The following RPA3 variants were observed in gnomAD, a reference collection of about 807,000 sequenced individuals.
RPA3 encodes the protein replication protein A3, also known as replication protein A 14 kDa subunit.
RPA3 carries 24 observed loss-of-function variants against 13.7 expected under a neutral mutation model. The ratio of observed to expected loss-of-function variants is 1.75; its 90% confidence interval spans 1.27 to 2.46. RPA3 has a LOEUF of 2.46. Ranked by LOEUF, RPA3 falls within the 30% of genes most tolerant of loss-of-function variation. The pLI, the probability that RPA3 is intolerant of heterozygous loss-of-function variation, is 0.00. For synonymous variants in RPA3, 59 were observed against 51.2 expected (o/e 1.15, Z -0.65); for missense variants, 183 against 151.0 (o/e 1.21, Z -1.11).
chr7:7,710,416 A>G (rs1780725981), intron 2 of RPA3, among the ~76,000 whole-genome samples: 1 of 152,244 alleles, frequency 6.6e-6, no homozygotes, highest in Non-Finnish European at 1.5e-5. Context: ...AAAGACATGA[A>G]GAGACATTTC....
chr7:7,646,585 T>G (rs953107234), intron 4 of RPA3, among the ~76,000 whole-genome samples: 27 of 150,578 alleles, frequency 1.8e-4, no homozygotes, highest in African/African-American at 6.4e-4. Context: ...CACGTGGAAC[T>G]GTGAGTCCAT....
chr7:7,662,145 C>G (rs13233179), intron 4 of RPA3, among the ~76,000 whole-genome samples: 37,627 of 152,034 alleles, frequency 0.25, 4,802 homozygotes, highest in African/African-American at 0.29. Context: ...TCAGTAATGG[C>G]AGATGCCCTT....
chr7:7,651,387 G>A (rs1257992369), intron 4 of RPA3, among the ~76,000 whole-genome samples: 1 of 152,150 alleles, frequency 6.6e-6, no homozygotes, highest in African/African-American at 2.4e-5. Context: ...AGGCCAAAAG[G>A]CAACATTTGG....
intron 4 of RPA3, among the ~76,000 whole-genome samples, chr7:7,661,917 T>C (rs930364857): frequency 6.6e-5 from 10 of 152,074 alleles, no homozygotes; most frequent in African/African-American, 2.4e-4. Context: ...AGCTGCCCCT[T>C]CCCCCGAGGT....
In RPA3 at chr7:7,687,226, AC is replaced by A. The variant is rs1334868556; in HGVS notation, c.-927+1del. Reference sequence around the variant, plus strand: ...CTGTGTGATTTTGAGCAGGCTACTTACCATTTCAGCCTCATTTTCCTTTTGT... The same window carrying A: ...CTGTGTGATTTTGAGCAGGCTACTTACATTTCAGCCTCATTTTCCTTTTGT... On this transcript the variant is annotated splice_donor_variant, in intron 3 of 7. Transcript: ENST00000223129. LOFTEE classifies it low-confidence loss of function (5UTR_SPLICE). 2.0e-5 allele frequency: 3 copies of A among 152,192 alleles called. No homozygotes were observed. Among genetic ancestry groups the A allele is most frequent in the Non-Finnish European group, 4.4e-5 (3 of 68,030 alleles). The allele number at this position is 152,192 out of a possible 1,614,324, so 9.4% of individuals were successfully genotyped here.
At chr7:7,638,032 T>A in intron 6 of RPA3, 60 bp from the exon 7 acceptor site, 1 of 1,304,044 alleles carries the variant, frequency 7.7e-7, no homozygotes, top group Non-Finnish European at 1.1e-6. Flanking sequence ...ACAATTATTT[T>A]GGAAAACTGT....
At chr7:7,700,319 C>G (rs929715756) in intron 2 of RPA3, among the ~76,000 whole-genome samples, 4 of 152,128 alleles carry the variant, frequency 2.6e-5, no homozygotes, top group Non-Finnish European at 5.9e-5. Flanking sequence ...CAAAGTACCT[C>G]CCAAAGGTCT....
At chr7:7,653,577 A>G (rs1056040120) in intron 4 of RPA3, among the ~76,000 whole-genome samples, 47 of 152,336 alleles carry the variant, frequency 3.1e-4, no homozygotes, top group Admixed American at 1.2e-3. Flanking sequence ...ATACCCATTC[A>G]CAGAGGAGTT....
chr7:7,683,506 G>A (rs1221774811), intron 4 of RPA3, among the ~76,000 whole-genome samples: 1 of 151,962 alleles, frequency 6.6e-6, no homozygotes, highest in Non-Finnish European at 1.5e-5. Context: ...TAAACAAAAA[G>A]CAAATAAAAC....
At chr7:7,653,557 C>T (rs977559568) in intron 4 of RPA3, among the ~76,000 whole-genome samples, 4 of 152,212 alleles carry the variant, frequency 2.6e-5, no homozygotes, top group African/African-American at 9.6e-5. Context: ...GCATCACGCA[C>T]TAGGTGATCA....
chr7:7,691,955 A>G (rs553358333), intron 2 of RPA3, among the ~76,000 whole-genome samples: 6 of 152,182 alleles, frequency 3.9e-5, no homozygotes, highest in Admixed American at 3.9e-4. Context: ...AAATTTTATA[A>G]CTGTTCCAAA....
At chr7:7,713,240 AG>A (rs1780811462) in intron 2 of RPA3, among the ~76,000 whole-genome samples, 1 of 151,866 alleles carries the variant, frequency 6.6e-6, no homozygotes, top group South Asian at 2.1e-4. Context: ...GCTACTCAGG[AG>A]GCTGAGGCAG....
chr7:7,643,735 GA>G (rs869238725), intron 4 of RPA3, among the ~76,000 whole-genome samples: 1 of 5,768 alleles, frequency 1.7e-4, no homozygotes, highest in Non-Finnish European at 3.7e-4. Flanking sequence ...ACAAACAAAC[GA>G]AAAAAAAAGG....
At chr7:7,663,355 A>ATTGC (rs1785524332) in intron 4 of RPA3, among the ~76,000 whole-genome samples, 1 of 78,650 alleles carries the variant, frequency 1.3e-5, no homozygotes, top group Non-Finnish European at 2.9e-5. Context: ...AATTTATGTT[A>ATTGC]ATCAATTTAA....
chr7:7,678,357 A>T (rs1351488423), intron 4 of RPA3, among the ~76,000 whole-genome samples: 1 of 149,454 alleles, frequency 6.7e-6, no homozygotes, highest in African/African-American at 2.5e-5. Context: ...ACGTTTTTTT[A>T]ATATGCCTAT....
chr7:7,661,791 C>T (rs1785481217), intron 4 of RPA3, among the ~76,000 whole-genome samples: 1 of 152,162 alleles, frequency 6.6e-6, no homozygotes. Flanking sequence ...GTGTCAGGGA[C>T]CCACTTGAGG....
At chr7:7,704,294 A>C (rs932681162) in intron 2 of RPA3, among the ~76,000 whole-genome samples, 4 of 152,120 alleles carry the variant, frequency 2.6e-5, no homozygotes, top group African/African-American at 9.7e-5. Context: ...TAAATATGTA[A>C]AACAGTTAAC....
chr7:7,717,308 C>T lies in RPA3; in HGVS notation c.-1080+1207G>A, dbSNP rs545136134. ...CTGACCCCAAGTGATCCGCCTGCCTCAGCATCCCAAAGTGCTGGAATTACA... is the reference window on the plus strand; with the variant it reads ...CTGACCCCAAGTGATCCGCCTGCCTTAGCATCCCAAAGTGCTGGAATTACA... On this transcript the variant is annotated intron_variant, in intron 1 of 7. Transcript: ENST00000223129. 2.2e-4 allele frequency among the ~76,000 whole-genome samples: 34 copies of T among 152,250 alleles called. No homozygotes were observed. The South Asian group carries it at 6.6e-3, about 30-fold the overall frequency.
At chr7:7,715,475 C>G (rs1481192691) in intron 1 of RPA3, among the ~76,000 whole-genome samples, 2 of 152,160 alleles carry the variant, frequency 1.3e-5, no homozygotes, top group African/African-American at 4.8e-5. Context: ...ATAATTAATG[C>G]TTCCATGAAA....
Sources: allele counts gnomAD v4.1 joint callset (sites outside exome capture counted in the v4.1 genomes callset), GRCh38; gene constraint gnomAD v4.1.1; transcripts MANE v1.5; gene names NCBI Gene and HGNC (gene_info 2026-07-23, HGNC 2026-07-21).